The following SLC66A2 variants were observed in gnomAD, a reference collection of about 807,000 sequenced individuals.
SLC66A2 encodes solute carrier family 66 member 2, also known as PQ loop repeat containing 1.
Under a neutral mutation model 25.5 loss-of-function variants are expected in SLC66A2, and 23 were observed. The observed-to-expected ratio is 0.90, with a 90% CI of 0.65 to 1.28. The LOEUF (loss-of-function observed/expected upper bound fraction) is 1.28. Among genes scored for constraint, SLC66A2 ranks in the 50% most tolerant of loss-of-function variants. SLC66A2 has a pLI of 0.00. For missense variants in SLC66A2, 396 were observed against 373.1 expected, an observed-to-expected ratio of 1.06 and a Z score of -0.51; for synonymous variants, 193 against 166.5, an observed-to-expected ratio of 1.16 and a Z score of -1.23.
At position 79,937,665 on chromosome 18, in the gene SLC66A2, C is replaced by A. The variant is rs555124666; in HGVS notation, c.338-3643G>T. Among the ~76,000 whole-genome samples the A allele has an allele frequency of 6.6e-6, 1 of 152,188 alleles. No individual in the cohort carries two copies. The highest frequency in any genetic ancestry group is 6.5e-5 in the Admixed American group (1 of 15,284). ...GGCCGCTGACCACACGCACCTCCGACGGAACGACGCAACCATCCTGCGAAA... is the reference window on the plus strand; with the variant it reads ...GGCCGCTGACCACACGCACCTCCGAAGGAACGACGCAACCATCCTGCGAAA... On this transcript the variant is annotated intron_variant, in intron 3 of 5. Coordinates refer to ENST00000397778, the MANE Select transcript of SLC66A2 (RefSeq NM_025078.5). The surrounding 1 kb of genome is among the most constrained non-coding windows in gnomAD (Gnocchi z 5.4).
chr18:79,933,046 CCAATA>C (rs1309278229), intron 4 of SLC66A2, among the ~76,000 whole-genome samples: 1 of 152,122 alleles, frequency 6.6e-6, no homozygotes, highest in African/African-American at 2.4e-5. Flanking sequence ...CAAAAAATCC[CCAATA>C]CAATACTAGC....
intron 3 of SLC66A2, among the ~76,000 whole-genome samples, chr18:79,934,349 G>A (rs139464266): frequency 2.3e-4 from 35 of 152,292 alleles, no homozygotes; most frequent in African/African-American, 7.9e-4. Flanking sequence ...CGTCACAAGC[G>A]TGCTGTGCTG....
At chr18:79,947,725 A>G (rs1418759975) in intron 2 of SLC66A2, among the ~76,000 whole-genome samples, 1 of 149,324 alleles carries the variant, frequency 6.7e-6, no homozygotes, top group Non-Finnish European at 1.5e-5. Flanking sequence ...TGTGTGATGC[A>G]TCCCGCGTGT....
chr18:79,928,995 C>T lies in SLC66A2; in HGVS notation c.391+4974G>A, dbSNP rs531487425. ...ACCAGAGGTTCTGTCCTGGGGATGG[C>T]GGTATCAGGATAGAGAGCTCCGTAG... On this transcript the variant is annotated intron_variant, in intron 4 of 5. Coordinates refer to ENST00000397778, the MANE Select transcript of SLC66A2 (RefSeq NM_025078.5). Among the ~76,000 whole-genome samples, 12 of 152,256 alleles carry T rather than the reference C, an allele frequency of 7.9e-5. No individual in the cohort carries two copies. In the South Asian group the frequency reaches 1.0e-3, roughly 13 times the overall value.
In SLC66A2 at chr18:79,918,751, C is replaced by T. The variant is rs565330164; in HGVS notation, c.608+433G>A. On this transcript the variant is annotated intron_variant, in intron 5 of 5. Coordinates refer to ENST00000397778, the MANE Select transcript of SLC66A2 (RefSeq NM_025078.5). The surrounding 1 kb of genome is among the most constrained non-coding windows in gnomAD (Gnocchi z 4.0). The stretch of plus-strand genomic sequence containing the variant: ...GCCTTCTACCACATACCTCAGAGGC[C>T]GGAGGCCGTGCTGGGGCCAGTGGGG... 6.6e-5 allele frequency among the ~76,000 whole-genome samples: 10 copies of T among 152,322 alleles called. No individual in the cohort carries two copies. The East Asian group carries it at 1.2e-3, about 18-fold the overall frequency.
At chr18:79,946,037 C>T (rs1027024505) in intron 2 of SLC66A2, among the ~76,000 whole-genome samples, 21 of 152,362 alleles carry the variant, frequency 1.4e-4, no homozygotes, top group African/African-American at 5.0e-4. Flanking sequence ...GAAAGGCCAC[C>T]TGCATTTTTT....
At chr18:79,913,121 C>T (rs765078033) in intron 5 of SLC66A2, among the ~76,000 whole-genome samples, 4 of 152,166 alleles carry the variant, frequency 2.6e-5, no homozygotes, top group East Asian at 1.9e-4. Flanking sequence ...CCTCTCCTTG[C>T]GGGGCGGCCT....
rs1438122482 is a variant in SLC66A2 at position 79,917,073 on chromosome 18, T to C, written c.608+2111A>G. ...AGTGAGTGAGAACAGGAAAAGCACG[T>C]CCAATGTGTTTCTTCCACACACAGA... On this transcript the variant is annotated intron_variant, in intron 5 of 5. Coordinates refer to ENST00000397778, the MANE Select transcript of SLC66A2 (RefSeq NM_025078.5). This position sits in a 1 kb window ranked among gnomAD's most constrained non-coding sequence, Gnocchi z 6.0. Among the ~76,000 whole-genome samples the C allele has an allele frequency of 1.3e-5, 2 of 152,218 alleles. No homozygotes were observed. Among genetic ancestry groups the C allele is most frequent in the Non-Finnish European group, 2.9e-5 (2 of 68,018 alleles).
chr18:79,950,526 A>G (rs544219658), intron 2 of SLC66A2, among the ~76,000 whole-genome samples, 198 bp downstream of exon 2: 1 of 152,202 alleles, frequency 6.6e-6, no homozygotes, highest in Non-Finnish European at 1.5e-5. Context: ...CTGTGCTCCA[A>G]CCCCACCGTT....
In SLC66A2 at chr18:79,940,474, T is replaced by C. The variant is rs1274433657; in HGVS notation, c.337+2855A>G. ...TACCTATATAACAAACCTGCACATGTACCTGAACTTAAAAGCTTAAAAAAA... is the reference window on the plus strand; with the variant it reads ...TACCTATATAACAAACCTGCACATGCACCTGAACTTAAAAGCTTAAAAAAA... On this transcript the variant is annotated intron_variant, in intron 3 of 5. Transcript: ENST00000397778. This position sits in a 1 kb window ranked among gnomAD's most constrained non-coding sequence, Gnocchi z 4.1. Among the ~76,000 whole-genome samples the C allele has an allele frequency of 3.3e-5, 5 of 151,660 alleles. No individual in the cohort carries two copies. The highest frequency in any genetic ancestry group is 7.4e-5 in the Non-Finnish European group (5 of 67,922).
chr18:79,904,771 G>A lies in SLC66A2; in HGVS notation c.609-588C>T, dbSNP rs1024291844. On this transcript the variant is annotated intron_variant, in intron 5 of 5. Transcript: ENST00000397778. The surrounding 1 kb of genome is among the most constrained non-coding windows in gnomAD (Gnocchi z 6.3). ...GGAGCAGCCGCCACCCACCATCCCA[G>A]TCCGAACACGCTTCCCCCACCGCTG... 6.6e-6 allele frequency among the ~76,000 whole-genome samples: 1 copy of A among 152,154 alleles called. No homozygotes were observed. The highest frequency in any genetic ancestry group is 1.5e-5 in the Non-Finnish European group (1 of 68,018).
At position 79,917,137 on chromosome 18, in the gene SLC66A2, G is replaced by A. The variant is rs1290986691; in HGVS notation, c.608+2047C>T. 6.6e-6 allele frequency among the ~76,000 whole-genome samples: 1 copy of A among 152,274 alleles called. No individual in the cohort carries two copies. Among genetic ancestry groups the A allele is most frequent in the East Asian group, 1.9e-4 (1 of 5,200 alleles). On this transcript the variant is annotated intron_variant, in intron 5 of 5. Coordinates refer to ENST00000397778, the MANE Select transcript of SLC66A2 (RefSeq NM_025078.5). This position sits in a 1 kb window ranked among gnomAD's most constrained non-coding sequence, Gnocchi z 6.0. ...GGCGTTTCTGGAGCCTTCCCCGTGTGTGAGAAGAGCAGACCTCAGGGCCTA... is the reference window on the plus strand; with the variant it reads ...GGCGTTTCTGGAGCCTTCCCCGTGTATGAGAAGAGCAGACCTCAGGGCCTA...
At chr18:79,923,138 CAT>C (rs1262061569) in intron 4 of SLC66A2, among the ~76,000 whole-genome samples, 3 of 149,226 alleles carry the variant, frequency 2.0e-5, no homozygotes, top group Non-Finnish European at 4.5e-5. Context: ...GGCGTGGGCT[CAT>C]GTGTATTTCA....
intron 5 of SLC66A2, among the ~76,000 whole-genome samples, chr18:79,910,612 T>C (rs1159992163): frequency 2.0e-5 from 3 of 152,254 alleles, no homozygotes; most frequent in African/African-American, 7.2e-5. Context: ...TAAGCTGTAA[T>C]TTAACATTTT....
At chr18:79,946,345 A>G (rs574064358) in intron 2 of SLC66A2, among the ~76,000 whole-genome samples, 4 of 152,394 alleles carry the variant, frequency 2.6e-5, no homozygotes, top group African/African-American at 9.6e-5. Context: ...TTTAAAAGCT[A>G]ATTAAAATAG....
chr18:79,912,758 C>T (rs1161900001), intron 5 of SLC66A2, among the ~76,000 whole-genome samples: 6 of 152,086 alleles, frequency 3.9e-5, no homozygotes, highest in Non-Finnish European at 8.8e-5. Flanking sequence ...ACATCTCAGG[C>T]GGGTCACACT....
Position 79,904,222 on chromosome 18 carries a change from C to T in SLC66A2, c.609-39G>A, listed in dbSNP as rs779080709. On this transcript the variant is annotated intron_variant, in intron 5 of 5. Coordinates refer to ENST00000397778, the MANE Select transcript of SLC66A2 (RefSeq NM_025078.5). This position sits in a 1 kb window ranked among gnomAD's most constrained non-coding sequence, Gnocchi z 6.3. ...AGCAGGCGGTCAGCGGTGGGGAGGG[C>T]GGCGACCTGGGCTCAGTCAGTGGGG... is the stretch of plus-strand genomic sequence containing the variant. 83 of 1,584,790 alleles carry T rather than the reference C, an allele frequency of 5.2e-5. No individual in the cohort carries two copies. The highest frequency in any genetic ancestry group is 1.0e-4 in the Admixed American group (6 of 59,656).
intron 2 of SLC66A2, among the ~76,000 whole-genome samples, chr18:79,947,862 A>C (rs1288989935): frequency 1.3e-5 from 2 of 152,034 alleles, no homozygotes; most frequent in African/African-American, 2.4e-5. Context: ...AGAGAAACAG[A>C]AGGGGTCATC....
In SLC66A2 at chr18:79,933,876, A is replaced by G. The variant is rs554861927; in HGVS notation, c.391+93T>C. On this transcript the variant is annotated intron_variant, in intron 4 of 5. Coordinates refer to ENST00000397778, the MANE Select transcript of SLC66A2 (RefSeq NM_025078.5). ...CGCTTGGTAAAGATGACGCACGCAC[A>G]TGCACAGATGGAAGCAACAACAGGA... 44 of 1,127,100 alleles carry G rather than the reference A, an allele frequency of 3.9e-5. No individual in the cohort carries two copies. The East Asian group carries it at 9.5e-4, about 24-fold the overall frequency. 69.8% of individuals were successfully genotyped at this position (1,127,100 alleles called of 1,614,324 possible).
Sources: allele counts gnomAD v4.1 joint callset (sites outside exome capture counted in the v4.1 genomes callset), GRCh38; gene constraint gnomAD v4.1.1; non-coding constraint Gnocchi (gnomAD v3.1); transcripts MANE v1.5; gene names NCBI Gene and HGNC (gene_info 2026-07-23, HGNC 2026-07-21).